Variants in VTI1A observed in about 807,000 individuals in gnomAD.
VTI1A encodes vesicle transport through interaction with t-SNAREs homolog 1A.
In VTI1A, 22 loss-of-function variants were observed where a neutral mutation model predicts 34.9. That is an observed-to-expected ratio of 0.63 (90% CI 0.45 to 0.90). VTI1A has a LOEUF of 0.90. VTI1A is among the 40% of genes least tolerant of loss of function. The pLI is 0.00. For missense variants in VTI1A, 268 were observed against 275.6 expected (o/e 0.97, Z 0.20); for synonymous variants, 87 against 97.3 (o/e 0.89, Z 0.62).
At chr10:112,641,029 T>C (rs1846548767) in intron 5 of VTI1A, among the ~76,000 whole-genome samples, 2 of 152,076 alleles carry the variant, frequency 1.3e-5, no homozygotes, top group Non-Finnish European at 2.9e-5. Context: ...TACTAAATAT[T>C]GCCCTGTTGT....
chr10:112,698,706 G>A (rs551304358), intron 7 of VTI1A, among the ~76,000 whole-genome samples: 212 of 152,272 alleles, frequency 1.4e-3, no homozygotes, highest in Non-Finnish European at 2.6e-3. Context: ...CACCCGTCTC[G>A]CACATCTTTA....
intron 7 of VTI1A, among the ~76,000 whole-genome samples, chr10:112,794,977 C>T (rs184242246): frequency 7.2e-5 from 11 of 152,214 alleles, no homozygotes; most frequent in Admixed American, 2.0e-4. Flanking sequence ...GAGGACATTG[C>T]GTTTTCTCTT....
intron 7 of VTI1A, among the ~76,000 whole-genome samples, chr10:112,726,710 T>A (rs1350985803): frequency 5.3e-5 from 8 of 152,188 alleles, no homozygotes; most frequent in Admixed American, 5.2e-4. Context: ...ATACACAAAA[T>A]TTTACAGACA....
At position 112,491,340 on chromosome 10, in the gene VTI1A, T is replaced by C. The variant is rs553887668; in HGVS notation, c.264+26683T>C. Among the ~76,000 whole-genome samples the C allele has an allele frequency of 2.7e-4, 41 of 152,316 alleles. 2 individuals carry two copies. In the South Asian group the frequency reaches 8.3e-3, roughly 31 times the overall value. ...GGGGACCTGACTAATCTCAGTGAAG[T>C]TACTTTCTAGCTGAGTCATGTAAGG... On this transcript the variant is annotated intron_variant, in intron 3 of 7. Coordinates refer to ENST00000393077, the MANE Select transcript of VTI1A (RefSeq NM_145206.4).
At chr10:112,526,371 A>G (rs1035485686) in intron 3 of VTI1A, among the ~76,000 whole-genome samples, 1 of 152,164 alleles carries the variant, frequency 6.6e-6, no homozygotes, top group African/African-American at 2.4e-5. Flanking sequence ...CTCATAGCCT[A>G]CTTGCCTTTA....
chr10:112,618,363 C>T (rs900721774), intron 5 of VTI1A, among the ~76,000 whole-genome samples: 1 of 150,888 alleles, frequency 6.6e-6, no homozygotes, highest in Non-Finnish European at 1.5e-5. Context: ...GCCCCTACCT[C>T]ATCAACATCA....
chr10:112,796,403 CAA>C (rs34102399), intron 7 of VTI1A, among the ~76,000 whole-genome samples: 14 of 37,494 alleles, frequency 3.7e-4, no homozygotes, highest in Non-Finnish European at 4.3e-4. Context: ...AAGACTCCGT[CAA>C]AAAAAAAAAA....
At chr10:112,669,113 C>G (rs1011473008) in intron 7 of VTI1A, 115 bp downstream of exon 7, 24 of 1,129,354 alleles carry the variant, frequency 2.1e-5, no homozygotes, top group Middle Eastern at 2.1e-4. Flanking sequence ...TCTTAGTACC[C>G]TGTGCAGGAC....
intron 5 of VTI1A, among the ~76,000 whole-genome samples, chr10:112,599,151 G>A (rs1844786420): frequency 6.6e-6 from 1 of 152,212 alleles, no homozygotes; most frequent in African/African-American, 2.4e-5. Flanking sequence ...CAGGGCCACT[G>A]TGGAAAGCCA....
chr10:112,746,774 C>T (rs947661070), intron 7 of VTI1A, among the ~76,000 whole-genome samples: 1 of 152,210 alleles, frequency 6.6e-6, no homozygotes, highest in South Asian at 2.1e-4. Context: ...TGGCTGCTAT[C>T]ACGGCTGATG....
chr10:112,480,107 G>T (rs897443514), intron 3 of VTI1A, among the ~76,000 whole-genome samples: 1 of 152,140 alleles, frequency 6.6e-6, no homozygotes, highest in Non-Finnish European at 1.5e-5. Context: ...TGAGAACTTG[G>T]CCTAGAGTAT....
chr10:112,632,663 C>A (rs565279237), intron 5 of VTI1A, among the ~76,000 whole-genome samples: 6 of 152,078 alleles, frequency 3.9e-5, no homozygotes, highest in Non-Finnish European at 8.8e-5. Flanking sequence ...TATAGTGTAC[C>A]GGCCAGAAAT....
chr10:112,697,567 T>C (rs1848840452), intron 7 of VTI1A, among the ~76,000 whole-genome samples: 1 of 152,050 alleles, frequency 6.6e-6, no homozygotes, highest in Non-Finnish European at 1.5e-5. Context: ...CAGCTAATTT[T>C]GTATTTTTAG....
chr10:112,715,268 T>C (rs1477878687), intron 7 of VTI1A, among the ~76,000 whole-genome samples: 3 of 152,120 alleles, frequency 2.0e-5, no homozygotes, highest in Non-Finnish European at 4.4e-5. Flanking sequence ...AGGAGGAAGA[T>C]AGCACCTAAA....
intron 7 of VTI1A, among the ~76,000 whole-genome samples, chr10:112,725,827 G>T (rs1253425391): frequency 6.6e-6 from 1 of 152,080 alleles, no homozygotes; most frequent in Non-Finnish European, 1.5e-5. Context: ...TAAACCCTTG[G>T]ACTTTTATCT....
chr10:112,505,619 A>G (rs753380411), intron 3 of VTI1A, among the ~76,000 whole-genome samples: 13 of 151,706 alleles, frequency 8.6e-5, no homozygotes, highest in Non-Finnish European at 7.4e-5. Flanking sequence ...ACTATGTTAT[A>G]TGCTTGTTTT....
intron 4 of VTI1A, among the ~76,000 whole-genome samples, chr10:112,537,614 T>C (rs1850695332): frequency 6.6e-6 from 1 of 152,068 alleles, no homozygotes; most frequent in Non-Finnish European, 1.5e-5. Flanking sequence ...TAGTGCCATA[T>C]ATTTAGGAAC....
At chr10:112,781,975 C>T (rs928288114) in intron 7 of VTI1A, among the ~76,000 whole-genome samples, 15 of 152,242 alleles carry the variant, frequency 9.9e-5, no homozygotes, top group African/African-American at 3.4e-4. Context: ...CTCTTGCACA[C>T]CTAACTCCTT....
At chr10:112,624,451 A>G (rs1049407398) in intron 5 of VTI1A, among the ~76,000 whole-genome samples, 2 of 151,996 alleles carry the variant, frequency 1.3e-5, no homozygotes, top group African/African-American at 4.8e-5. Context: ...TTCATTTTTT[A>G]TGTCTTATTT....
Sources: gnomAD v4.1 joint callset for allele counts (sites outside exome capture counted in the v4.1 genomes callset) on GRCh38, gnomAD v4.1.1 for gene constraint, MANE v1.5 for transcripts, NCBI Gene and HGNC (gene_info 2026-07-23, HGNC 2026-07-21) for gene names.